The following FUT1 variants were observed in gnomAD, a reference collection of about 807,000 sequenced individuals.
FUT1 encodes the protein fucosyltransferase 1 (H blood group), also known as galactoside alpha-(1,2)-fucosyltransferase 1.
For synonymous variants in FUT1, 215 were observed against 208.7 expected (o/e 1.03, Z -0.26); for missense variants, 476 against 492.7 (o/e 0.97, Z 0.32).
Position 48,751,123 on chromosome 19 carries a change from G to C in FUT1, c.159C>G (p.Ala53=). The change falls in exon 2 of 2, where the codon GCC becomes GCG. Residue 53 remains alanine (A), a synonymous_variant. Coordinates refer to ENST00000645652, the MANE Select transcript of FUT1 (RefSeq NM_001384359.1). ...TCGCAGTACCCGGCAGGCAGAAGATGGCCACTGGGGGTGTCACCAGGCGGC... is the reference window on the plus strand; with the variant it reads ...TCGCAGTACCCGGCAGGCAGAAGATCGCCACTGGGGGTGTCACCAGGCGGC... ...PDRRLVTPPV[A]IFCLPGTAMG... is the part of the protein sequence containing the mutation. 1 of 1,613,484 alleles carries C rather than the reference G, an allele frequency of 6.2e-7. No homozygotes were observed. Among genetic ancestry groups the C allele is most frequent in the Non-Finnish European group, 8.5e-7 (1 of 1,179,526 alleles).
upstream of FUT1, chr19:48,753,003 G>T (rs1047513202): frequency 4.3e-6 from 3 of 697,166 alleles, no homozygotes; most frequent in African/African-American, 3.9e-5. Flanking sequence ...CGGTGCCAGG[G>T]CTTAGAGTCG....
Position 48,750,322 on chromosome 19 carries a change from T to A in FUT1, c.960A>T (p.Gly320=). 6.2e-7 allele frequency: 1 copy of A among 1,614,156 alleles called. No homozygotes were observed. Among genetic ancestry groups the A allele is most frequent in the Non-Finnish European group, 8.5e-7 (1 of 1,180,028 alleles). Reference sequence around the variant, plus strand: ...TGAAGTTGGCCAGGTAGACAGTGTCTCCGCCAGCCAGGTAGGCAGCCCAGA... The same window carrying A: ...TGAAGTTGGCCAGGTAGACAGTGTCACCGCCAGCCAGGTAGGCAGCCCAGA... ...FGFWAAYLAG[G]DTVYLANFTL... Residue 320 remains glycine, a synonymous_variant, in exon 2 of 2, where the codon GGA becomes GGT. Transcript: ENST00000645652.
chr19:48,750,952 G>A lies in FUT1; in HGVS notation c.330C>T (p.Ala110=), dbSNP rs1169829870. The A allele has an allele frequency of 1.2e-6, 2 of 1,605,980 alleles. No individual in the cohort carries two copies. The highest frequency in any genetic ancestry group is 1.7e-6 in the Non-Finnish European group (2 of 1,174,986). The change falls in exon 2 of 2, where the codon GCC becomes GCT. Residue 110 remains alanine (A), a synonymous_variant. Coordinates refer to ENST00000645652, the MANE Select transcript of FUT1 (RefSeq NM_001384359.1). ...CGGCATGCATGGCAGGCAGGATAAA[G>A]GCCCGGCGGCCGTTGAGCTGGGCCA... is the stretch of plus-strand genomic sequence containing the variant. ...LALAQLNGRR[A]FILPAMHAAL...
At chr19:48,753,750 A>C (rs2034042017), upstream of FUT1, 1 of 153,702 alleles carries the variant, frequency 6.5e-6, no homozygotes, top group African/African-American at 2.4e-5. Context: ...GAGTCGTCCA[A>C]ATGACTGATA....
At position 48,749,407 on chromosome 19, in the gene FUT1, A is replaced by C. The variant is rs1025188085; in HGVS notation, c.*777T>G. ...AAGACAGGTGGATGACAAGGTCAGG[A>C]GATCGAGACCATCCTGGCCAACATG... On this transcript the variant is annotated 3_prime_UTR_variant, in exon 2 of 2. Coordinates refer to ENST00000645652, the MANE Select transcript of FUT1 (RefSeq NM_001384359.1). The C allele has an allele frequency of 8.5e-5, 13 of 152,342 alleles. No individual in the cohort carries two copies. Among genetic ancestry groups the C allele is most frequent in the African/African-American group, 3.1e-4 (13 of 41,562 alleles). 9.4% of individuals were successfully genotyped at this position (152,342 alleles called of 1,614,324 possible).
rs1449084665 is a variant in FUT1 at position 48,752,099 on chromosome 19, G to A, written c.-3+391C>T. Among the ~76,000 whole-genome samples, 1 of 142,224 alleles carries A rather than the reference G, an allele frequency of 7.0e-6. No homozygotes were observed. Among genetic ancestry groups the A allele is most frequent in the African/African-American group, 2.6e-5 (1 of 37,928 alleles). 93.3% of individuals were successfully genotyped at this position (142,224 alleles called of 152,430 possible). On this transcript the variant is annotated intron_variant, in intron 1 of 1. Coordinates refer to ENST00000645652, the MANE Select transcript of FUT1 (RefSeq NM_001384359.1). This position sits in a 1 kb window ranked among gnomAD's most constrained non-coding sequence, Gnocchi z 4.3. ...CACTCCAGCTTGCGCGACAGAGAGG[G>A]ACCCTGTCTTAAAAAAAAAAAAAAA...
chr19:48,752,492 G>A lies in FUT1; in HGVS notation c.-5C>T. The A allele has an allele frequency of 1.2e-5, 12 of 985,410 alleles. No individual in the cohort carries two copies. The highest frequency in any genetic ancestry group is 1.4e-5 in the Non-Finnish European group (12 of 829,922). 61.0% of individuals were successfully genotyped at this position (985,410 alleles called of 1,614,324 possible). ...TGAGTGGGGCAGTCCCCACTTACCC[G>A]AGCTGCTTGCAGGTGGCAGATCCAC... On this transcript the variant is annotated splice_region_variant and 5_prime_UTR_variant, in exon 1 of 2. Coordinates refer to ENST00000645652, the MANE Select transcript of FUT1 (RefSeq NM_001384359.1). The surrounding 1 kb of genome is among the most constrained non-coding windows in gnomAD (Gnocchi z 4.3).
chr19:48,752,599 A>T lies in FUT1; in HGVS notation c.-112T>A. The T allele has an allele frequency of 1.0e-6, 1 of 985,376 alleles. No individual in the cohort carries two copies. The highest frequency in any genetic ancestry group is 4.7e-5 in the South Asian group (1 of 21,286). The allele number at this position is 985,376 out of a possible 1,614,324, so 61.0% of individuals were successfully genotyped here. ...CCCCTGGAACGCCAGGCGTCCGGCT[A>T]TCCGGCCCGGCAGCCCTCCCCTCCG... On this transcript the variant is annotated 5_prime_UTR_variant, in exon 1 of 2. Coordinates refer to ENST00000645652, the MANE Select transcript of FUT1 (RefSeq NM_001384359.1). The surrounding 1 kb of genome is among the most constrained non-coding windows in gnomAD (Gnocchi z 4.3).
rs1232653355 is a variant in FUT1 at position 48,749,255 on chromosome 19, C to A, written c.*929G>T. On this transcript the variant is annotated 3_prime_UTR_variant, in exon 2 of 2. Coordinates refer to ENST00000645652, the MANE Select transcript of FUT1 (RefSeq NM_001384359.1). ...GCAGTGAGCTGAGATCGCGCCACTG[C>A]ACTCTGGCCTGGGCTACAGAGCAAG... The A allele has an allele frequency of 1.3e-5, 2 of 151,584 alleles. No individual in the cohort carries two copies. Among genetic ancestry groups the A allele is most frequent in the African/African-American group, 4.9e-5 (2 of 41,226 alleles). 9.4% of individuals were successfully genotyped at this position (151,584 alleles called of 1,614,324 possible). A position where few individuals can be genotyped will look rare whatever the true frequency, so the allele number is the denominator to read the frequency against.
upstream of FUT1, among the ~76,000 whole-genome samples, chr19:48,754,964 G>A (rs572978562): frequency 9.5e-5 from 13 of 137,328 alleles, no homozygotes; most frequent in Admixed American, 1.4e-4. Flanking sequence ...CCAGGCTCCC[G>A]GCCCCTCCTT....
Position 48,751,039 on chromosome 19 carries a change from C to T in FUT1, c.243G>A (p.Trp81Ter). Residue 81 changes from tryptophan to a stop codon, truncating the protein, a stop_gained, in exon 2 of 2, where the codon TGG (tryptophan) becomes TGA (stop). Coordinates refer to ENST00000645652, the MANE Select transcript of FUT1 (RefSeq NM_001384359.1). LOFTEE classifies it low-confidence loss of function (END_TRUNC). Reference protein sequence around the residue: ...PQHPASLSGTWTVYPNGRFGN... With the variant: ...PQHPASLSGT ...CAAACCGGCCATTGGGGTAGACAGTCCAGGTGCCGGAGAGGGAAGCAGGGT... is the reference window on the plus strand; with the variant it reads ...CAAACCGGCCATTGGGGTAGACAGTTCAGGTGCCGGAGAGGGAAGCAGGGT... 1 of 1,596,522 alleles carries T rather than the reference C, an allele frequency of 6.3e-7. No individual in the cohort carries two copies. Among genetic ancestry groups the T allele is most frequent in the East Asian group, 2.2e-5 (1 of 44,640 alleles).
upstream of FUT1, chr19:48,753,027 G>C (rs547497461): frequency 1.7e-3 from 855 of 492,002 alleles, no homozygotes; most frequent in Middle Eastern, 4.2e-3. Flanking sequence ...CCCGACACCT[G>C]GGTGCTTCGA....
Position 48,752,540 on chromosome 19 carries a change from C to G in FUT1, c.-53G>C. On this transcript the variant is annotated 5_prime_UTR_variant, in exon 1 of 2. Coordinates refer to ENST00000645652, the MANE Select transcript of FUT1 (RefSeq NM_001384359.1). This position sits in a 1 kb window ranked among gnomAD's most constrained non-coding sequence, Gnocchi z 4.3. Reference sequence around the variant, plus strand: ...CACAGTCCGCTTTTCGTGGCCGGAGCGCACCCTCCGCAAAGGCAGGCCACA... The same window carrying G: ...CACAGTCCGCTTTTCGTGGCCGGAGGGCACCCTCCGCAAAGGCAGGCCACA... 1.0e-6 allele frequency: 1 copy of G among 985,456 alleles called. No homozygotes were observed. Among genetic ancestry groups the G allele is most frequent in the Non-Finnish European group, 1.2e-6 (1 of 829,944 alleles). 61.0% of individuals were successfully genotyped at this position (985,456 alleles called of 1,614,324 possible). A position where few individuals can be genotyped will look rare whatever the true frequency, so the allele number is the denominator to read the frequency against.
chr19:48,754,459 C>G (rs536861680), upstream of FUT1, among the ~76,000 whole-genome samples: 1 of 152,122 alleles, frequency 6.6e-6, no homozygotes, highest in Non-Finnish European at 1.5e-5. Context: ...CTGGCGTTCC[C>G]GCTTGACCAA....
Position 48,751,244 on chromosome 19 carries a change from AAGGCC to A in FUT1, c.33_37del (p.Ala12ProfsTer78). On this transcript the variant is annotated frameshift_variant, in exon 2 of 2. Coordinates refer to ENST00000645652, the MANE Select transcript of FUT1 (RefSeq NM_001384359.1). LOFTEE classifies it low-confidence loss of function (END_TRUNC). ...TACAGAGAGGACACAGACTAGCAGG[AAGGCC>A]AGGCAGAGCTGACGATGGCTCCGGA... 1 of 1,614,168 alleles carries A rather than the reference AAGGCC, an allele frequency of 6.2e-7. No homozygotes were observed. Among genetic ancestry groups the A allele is most frequent in the Non-Finnish European group, 8.5e-7 (1 of 1,180,036 alleles).
upstream of FUT1, among the ~76,000 whole-genome samples, chr19:48,754,456 TC>T (rs1449973366): frequency 1.3e-5 from 2 of 152,136 alleles, no homozygotes; most frequent in African/African-American, 4.8e-5. Context: ...ACACTGGCGT[TC>T]CCGCTTGACC....
rs192379013 is a variant in FUT1, at chr19:48,751,433, G to A, written c.-2-150C>T. ...AAAGGTTTAGACTCCTGGGGCTGAG[G>A]TAGGGAGAGCCTGAGTCCTAGGTTT... On this transcript the variant is annotated intron_variant, in intron 1 of 1. Transcript: ENST00000645652. The A allele has an allele frequency of 8.5e-4, 714 of 844,696 alleles. 2 individuals carry two copies. The highest frequency in any genetic ancestry group is 8.3e-3 in the South Asian group (567 of 68,388). The allele number at this position is 844,696 out of a possible 1,614,324, so 52.3% of individuals were successfully genotyped here.
Position 48,752,307 on chromosome 19 carries a change from A to C in FUT1, c.-3+183T>G, listed in dbSNP as rs547186185. ...GAAACGATAGTTCAAGTAAAACAAG[A>C]GAGGCTGGAGGGTCAGGAGCGGAAG... On this transcript the variant is annotated intron_variant, in intron 1 of 1. Transcript: ENST00000645652. The surrounding 1 kb of genome is among the most constrained non-coding windows in gnomAD (Gnocchi z 4.3). Among the ~76,000 whole-genome samples the C allele has an allele frequency of 5.9e-5, 9 of 152,182 alleles. No individual in the cohort carries two copies. Among genetic ancestry groups the C allele is most frequent in the African/African-American group, 2.2e-4 (9 of 41,532 alleles).
chr19:48,750,802 A>G lies in FUT1; in HGVS notation c.480T>C (p.Pro160=). 1 of 1,613,972 alleles carries G rather than the reference A, an allele frequency of 6.2e-7. No individual in the cohort carries two copies. Among genetic ancestry groups the G allele is most frequent in the South Asian group, 1.1e-5 (1 of 91,088 alleles). The change falls in exon 2 of 2, where the codon CCT becomes CCC. Residue 160 remains proline (P), a synonymous_variant. Transcript: ENST00000645652. The part of the protein sequence containing the change: ...MSEEYADLRD[P]FLKLSGFPCS... ...AGGGGAAGCCAGAGAGCTTCAGGAA[A>G]GGATCTCTCAAGTCCGCGTACTCCT...
Sources: gnomAD v4.1 joint callset for allele counts (sites outside exome capture counted in the v4.1 genomes callset) on GRCh38, gnomAD v4.1.1 for gene constraint, Gnocchi (gnomAD v3.1) non-coding constraint, MANE v1.5 for transcripts, NCBI Gene and HGNC (gene_info 2026-07-23, HGNC 2026-07-21) for gene names.